Variants in FBXO34 observed in about 807,000 individuals in gnomAD.
FBXO34 encodes the protein F-box only protein 34.
In FBXO34, 12 loss-of-function variants were observed where a neutral mutation model predicts 24.5. That is an observed-to-expected ratio of 0.49 (90% CI 0.31 to 0.79). The LOEUF (loss-of-function observed/expected upper bound fraction) is 0.79. Among genes scored for constraint, FBXO34 ranks in the 30% least tolerant of loss-of-function variants. The pLI is 0.04. For synonymous variants in FBXO34, 320 were observed against 311.9 expected (o/e 1.03, Z -0.27); for missense variants, 823 against 857.7 (o/e 0.96, Z 0.51).
chr14:55,414,339 A>T, the FBXO34 span: 1 of 1,447,248 alleles, frequency 6.9e-7, no homozygotes, highest in South Asian at 1.2e-5. Flanking sequence ...GCTTATGGAC[A>T]TATTCAAACC....
At chr14:55,282,749 G>A (rs144316592) in intron 1 of FBXO34, 1 of 152,190 alleles carries the variant, frequency 6.6e-6, no homozygotes, top group African/African-American at 2.4e-5. Context: ...GTAGGAGTTG[G>A]TGTTCATTTG....
Position 55,352,207 on chromosome 14 carries a change from A to G in FBXO34, c.1817A>G (p.Lys606Arg). 2 of 1,614,102 alleles carry G rather than the reference A, an allele frequency of 1.2e-6. No homozygotes were observed. The highest frequency in any genetic ancestry group is 1.7e-6 in the Non-Finnish European group (2 of 1,180,016). The change falls in exon 2 of 2, where the codon AAG becomes AGG. Residue 606 changes from lysine (K) to arginine (R), a missense_variant. This residue lies in a region of FBXO34 where 130 missense variants were observed against 198.6 expected (regional missense o/e 0.65). Transcript: ENST00000313833. ...VALKCTCCYF[K>R]FIIEYYNIRP... ...CTTAAATGTACCTGCTGCTATTTCA[A>G]GTTTATCATTGAGTACTACAATATC...
At chr14:55,396,074 C>T in the FBXO34 span, 8 of 929,754 alleles carry the variant, frequency 8.6e-6, no homozygotes, top group South Asian at 3.9e-5. Context: ...AAATTAAGTC[C>T]TTAGAAATGG....
chr14:55,338,960 A>C (rs1883894518), intron 1 of FBXO34, among the ~76,000 whole-genome samples: 1 of 151,872 alleles, frequency 6.6e-6, no homozygotes, highest in African/African-American at 2.4e-5. Context: ...CAAAAAAACC[A>C]GTTCTCTAAG....
chr14:55,342,041 C>A (rs1282946117), intron 1 of FBXO34, among the ~76,000 whole-genome samples: 1 of 152,098 alleles, frequency 6.6e-6, no homozygotes, highest in African/African-American at 2.4e-5. Flanking sequence ...TTAGGTGTTG[C>A]ATTTATTGCG....
chr14:55,398,155 G>T, the FBXO34 span, among the ~76,000 whole-genome samples: 10 of 152,026 alleles, frequency 6.6e-5, no homozygotes, highest in Non-Finnish European at 1.3e-4. Flanking sequence ...GTTTCACTGT[G>T]TTAGCAAGGA....
At chr14:55,336,774 G>A (rs531074693) in intron 1 of FBXO34, among the ~76,000 whole-genome samples, 1 of 150,808 alleles carries the variant, frequency 6.6e-6, no homozygotes, top group East Asian at 1.9e-4. Flanking sequence ...ATCTGTAAGA[G>A]ATGAGGACTC....
the FBXO34 span, among the ~76,000 whole-genome samples, chr14:55,415,587 G>A: frequency 3.9e-5 from 6 of 152,110 alleles, no homozygotes; most frequent in Non-Finnish European, 1.5e-5. Context: ...AGTGTAGGCG[G>A]GGCGTGGTGG....
the FBXO34 span, chr14:55,377,965 C>T: frequency 1.3e-6 from 2 of 1,598,132 alleles, no homozygotes; most frequent in South Asian, 1.1e-5. Flanking sequence ...AAAATTAGTT[C>T]ACAACCTATT....
chr14:55,363,453 G>A (rs1216815595), downstream of FBXO34, among the ~76,000 whole-genome samples: 2 of 151,770 alleles, frequency 1.3e-5, no homozygotes, highest in Admixed American at 1.3e-4. Flanking sequence ...TCAGCTTCCC[G>A]AGTAGCTGGG....
chr14:55,310,058 A>C (rs1345010957), intron 1 of FBXO34, among the ~76,000 whole-genome samples: 1 of 152,176 alleles, frequency 6.6e-6, no homozygotes, highest in Non-Finnish European at 1.5e-5. Context: ...AGGATGGAAA[A>C]AGTAAGCTGT....
At chr14:55,291,050 C>G (rs1881930952) in intron 1 of FBXO34, among the ~76,000 whole-genome samples, 1 of 152,050 alleles carries the variant, frequency 6.6e-6, no homozygotes, top group Admixed American at 6.6e-5. Flanking sequence ...TCGTCTTGAA[C>G]TCCTGACCTT....
chr14:55,440,623 A>G, the FBXO34 span: 2 of 1,448,856 alleles, frequency 1.4e-6, no homozygotes, highest in Admixed American at 2.5e-5. Flanking sequence ...GCGTTGGGCG[A>G]TGGGCTTGGA....
At chr14:55,417,346 C>A in the FBXO34 span, among the ~76,000 whole-genome samples, 10,897 of 146,988 alleles carry the variant, frequency 0.074, 1,101 homozygotes, top group African/African-American at 0.23. Flanking sequence ...ATATTGCCAT[C>A]AAAAGTTTAA....
downstream of FBXO34, chr14:55,369,594 T>G: frequency 6.8e-7 from 1 of 1,464,370 alleles, no homozygotes; most frequent in Non-Finnish European, 9.1e-7. Context: ...TTGATGCAGA[T>G]TTGGTATGTT....
chr14:55,381,136 C>T, the FBXO34 span, among the ~76,000 whole-genome samples: 22 of 152,148 alleles, frequency 1.4e-4, no homozygotes, highest in Non-Finnish European at 2.4e-4. Flanking sequence ...TACAGCATCT[C>T]GATCATTTAC....
At chr14:55,303,837 C>G (rs1181750358) in intron 1 of FBXO34, among the ~76,000 whole-genome samples, 1 of 152,016 alleles carries the variant, frequency 6.6e-6, no homozygotes, top group Non-Finnish European at 1.5e-5. Flanking sequence ...ATGTTACTGC[C>G]TAAGAAGAAA....
In FBXO34 at chr14:55,349,462, G is replaced by A. The variant is rs1437744221; in HGVS notation, c.-10-919G>A. ...TATTTAAGATGGTTACAGGAAATTC[G>A]ACAGTTAAATGTTTCTACACATAGA... On this transcript the variant is annotated intron_variant, in intron 1 of 1. Coordinates refer to ENST00000313833, the MANE Select transcript of FBXO34 (RefSeq NM_017943.4). Among the ~76,000 whole-genome samples the A allele has an allele frequency of 2.0e-5, 3 of 151,764 alleles. No individual in the cohort carries two copies. In the East Asian group the frequency reaches 5.8e-4, roughly 29 times the overall value.
chr14:55,299,250 T>G, intron 1 of FBXO34: 1 of 817,978 alleles, frequency 1.2e-6, no homozygotes, highest in Admixed American at 1.7e-5. Context: ...ATGAAGGATT[T>G]GGAGAACTGG....
Sources: gnomAD v4.1 joint callset for allele counts (sites outside exome capture counted in the v4.1 genomes callset) on GRCh38, gnomAD v4.1.1 for gene constraint, gnomAD v4.1.1 regional missense constraint, MANE v1.5 for transcripts, NCBI Gene and HGNC (gene_info 2026-07-23, HGNC 2026-07-21) for gene names.